The following BBS1 variants were observed in gnomAD, a reference collection of about 807,000 sequenced individuals.
BBS1 encodes the protein Bardet-Biedl syndrome 1.
In BBS1, 60 loss-of-function variants were observed where a neutral mutation model predicts 73.9. That is an observed-to-expected ratio of 0.81 (90% CI 0.66 to 1.01). The LOEUF is 1.01. Ranked by LOEUF, BBS1 falls within the 50% of genes least tolerant of loss-of-function variation. BBS1 has a pLI of 0.00. For synonymous variants in BBS1, 283 were observed against 317.4 expected (o/e 0.89, Z 1.15); for missense variants, 718 against 770.3 (o/e 0.93, Z 0.80).
At position 66,515,874 on chromosome 11, in the gene BBS1, G is replaced by T; in HGVS notation, c.532G>T (p.Glu178Ter). ...SIQSLRFLQL[E>*]LSEMEAFVNQ... ...CTGTGTGTCTAGGTTTCTGCAGCTG[G>T]AGCTAAGTGAAATGGAGGCATTTGT... The change falls in exon 7 of 17, where the codon GAG (glutamate) becomes TAG (stop). Residue 178 changes from glutamate (E) to a stop codon, truncating the protein, a stop_gained. Coordinates refer to ENST00000318312, the MANE Select transcript of BBS1 (RefSeq NM_024649.5). LOFTEE classifies it high-confidence loss of function. 2 of 1,614,148 alleles carry T rather than the reference G, an allele frequency of 1.2e-6. No homozygotes were observed. Among genetic ancestry groups the T allele is most frequent in the Non-Finnish European group, 1.7e-6 (2 of 1,180,028 alleles).
chr11:66,519,487 C>A, intron 7 of BBS1, 130 bp from the exon 8 acceptor site: 1 of 1,327,708 alleles, frequency 7.5e-7, no homozygotes, highest in Non-Finnish European at 1.1e-6. Flanking sequence ...GTACTTAAAT[C>A]TTCTGTCACA....
At chr11:66,531,059 TGGGAAA>T in intron 15 of BBS1, 31 bp downstream of exon 15, 1 of 1,613,268 alleles carries the variant, frequency 6.2e-7, no homozygotes, top group Non-Finnish European at 8.5e-7. Context: ...AGATATGGAG[TGGGAAA>T]GGCCAGGGCA....
chr11:66,529,946 C>T lies in BBS1; in HGVS notation c.1467C>T (p.His489=), dbSNP rs749008475. ...CAGCCCGAGAGCCACTCAAGCTGCA[C>T]GCCGTGGTGAGCATCTGGGTGAGGG... is the stretch of plus-strand genomic sequence containing the variant. The part of the protein sequence containing the change: ...STTAREPLKL[H]AVVQGLGPTF... The change falls in exon 14 of 17, where the codon CAC becomes CAT. Residue 489 remains histidine, a synonymous_variant. Transcript: ENST00000318312. 4.2e-5 allele frequency: 67 copies of T among 1,601,730 alleles called. No individual in the cohort carries two copies. The highest frequency in any genetic ancestry group is 1.6e-4 in the Middle Eastern group (1 of 6,078).
Position 66,530,880 on chromosome 11 carries a change from C to T in BBS1, c.1474-14C>T, listed in dbSNP as rs369972079. The T allele has an allele frequency of 5.3e-5, 85 of 1,614,090 alleles. No individual in the cohort carries two copies. The highest frequency in any genetic ancestry group is 6.9e-5 in the Non-Finnish European group (82 of 1,180,028). ...CCAGGTCCTAAGGGCTTTCTCCACCCACCCTCTCCATAGGTTCAGGGCCTT... is the reference window on the plus strand; with the variant it reads ...CCAGGTCCTAAGGGCTTTCTCCACCTACCCTCTCCATAGGTTCAGGGCCTT... On this transcript the variant is annotated splice_polypyrimidine_tract_variant and intron_variant, in intron 14 of 16. Coordinates refer to ENST00000318312, the MANE Select transcript of BBS1 (RefSeq NM_024649.5).
intron 14 of BBS1, among the ~76,000 whole-genome samples, chr11:66,530,414 C>T (rs1477125794): frequency 3.3e-5 from 5 of 152,056 alleles, no homozygotes; most frequent in African/African-American, 1.2e-4. Flanking sequence ...AAGGCTCAGA[C>T]GCAAATGAGC....
chr11:66,522,678 A>T (rs1451695745), intron 9 of BBS1, among the ~76,000 whole-genome samples: 1 of 152,156 alleles, frequency 6.6e-6, no homozygotes, highest in Non-Finnish European at 1.5e-5. Context: ...ATAAATATTT[A>T]TTGAGCACCT....
rs1393658942 is a variant in BBS1, at chr11:66,530,071, C to T, written c.1473+119C>T. ...ATTCCAAGCCAACTCAGCCCGTGCT[C>T]CCCATCACCTTCCCGCAGACCTGGG... On this transcript the variant is annotated intron_variant, in intron 14 of 16. Coordinates refer to ENST00000318312, the MANE Select transcript of BBS1 (RefSeq NM_024649.5). 3 of 1,408,110 alleles carry T rather than the reference C, an allele frequency of 2.1e-6. No homozygotes were observed. The African/African-American group carries it at 4.3e-5, about 20-fold the overall frequency. 87.2% of individuals were successfully genotyped at this position (1,408,110 alleles called of 1,614,324 possible).
At chr11:66,516,076 A>G in intron 7 of BBS1, 143 bp downstream of exon 7, 1 of 605,664 alleles carries the variant, frequency 1.7e-6, no homozygotes, top group African/African-American at 1.9e-5. Context: ...ATGTGTGTGT[A>G]GTCATAAAGC....
At chr11:66,518,582 C>T (rs1856107598) in intron 7 of BBS1, among the ~76,000 whole-genome samples, 1 of 151,932 alleles carries the variant, frequency 6.6e-6, no homozygotes, top group South Asian at 2.1e-4. Flanking sequence ...TCTCCTGCCT[C>T]AGCCTCCTGG....
chr11:66,528,576 A>T (rs1056732376), intron 13 of BBS1, among the ~76,000 whole-genome samples: 1 of 152,192 alleles, frequency 6.6e-6, no homozygotes, highest in Non-Finnish European at 1.5e-5. Context: ...GAACATGTGG[A>T]AAGTCAGAGT....
chr11:66,532,351 G>A lies in BBS1; in HGVS notation c.*314G>A, dbSNP rs1312674843. ...CAGAGCTCCGAAGCGGTCAAAGTGA[G>A]CTGAGCAGGACAGGCCCAGCCTTTC... On this transcript the variant is annotated 3_prime_UTR_variant, in exon 17 of 17. Transcript: ENST00000318312. 2 of 426,512 alleles carry A rather than the reference G, an allele frequency of 4.7e-6. No individual in the cohort carries two copies. Among genetic ancestry groups the A allele is most frequent in the Non-Finnish European group, 8.7e-6 (2 of 228,894 alleles). 26.4% of individuals were successfully genotyped at this position (426,512 alleles called of 1,614,324 possible). A position where few individuals can be genotyped will look rare whatever the true frequency, so the allele number is the denominator to read the frequency against.
chr11:66,526,849 T>G, intron 13 of BBS1, 42 bp downstream of exon 13: 1 of 1,614,148 alleles, frequency 6.2e-7, no homozygotes, highest in Non-Finnish European at 8.5e-7. Context: ...CCTCCTCCAC[T>G]GCTCCTACAC....
At chr11:66,527,901 G>T (rs952365832) in intron 13 of BBS1, among the ~76,000 whole-genome samples, 2 of 152,072 alleles carry the variant, frequency 1.3e-5, no homozygotes, top group African/African-American at 4.8e-5. Flanking sequence ...GGCAGGGCAG[G>T]GTAATATAGG....
chr11:66,529,345 G>C, intron 13 of BBS1: 3 of 1,528,532 alleles, frequency 2.0e-6, no homozygotes, highest in Non-Finnish European at 2.6e-6. Context: ...TGAGCCTGAG[G>C]TGTTGATGGG....
chr11:66,522,773 G>A (rs1463147266), intron 9 of BBS1: 4 of 252,944 alleles, frequency 1.6e-5, no homozygotes, highest in Admixed American at 5.2e-5. Flanking sequence ...GAAGACAGAT[G>A]TATTAAAGTG....
At chr11:66,510,820 T>C in intron 1 of BBS1, 114 bp downstream of exon 1, 1 of 1,498,744 alleles carries the variant, frequency 6.7e-7, no homozygotes, top group Non-Finnish European at 9.3e-7. Flanking sequence ...TCTTAAGAGG[T>C]CAGATAGGGA....
rs79633338 is a variant in BBS1, at chr11:66,512,020, G to A, written c.159+781G>A. ...CAAAAAAAAATATATATATATATAT[G>A]TGTATATATATGTATATATATGTAT... On this transcript the variant is annotated intron_variant, in intron 3 of 16. Coordinates refer to ENST00000318312, the MANE Select transcript of BBS1 (RefSeq NM_024649.5). Among the ~76,000 whole-genome samples the A allele has an allele frequency of 1.9e-3, 266 of 143,278 alleles. 2 individuals carry two copies. Among genetic ancestry groups the A allele is most frequent in the South Asian group, 8.8e-3 (41 of 4,676 alleles). The allele number at this position is 143,278 out of a possible 152,430, so 94.0% of individuals were successfully genotyped here. A position where few individuals can be genotyped will look rare whatever the true frequency, so the allele number is the denominator to read the frequency against.
intron 11 of BBS1, 150 bp downstream of exon 11, chr11:66,524,032 C>A: frequency 1.6e-6 from 2 of 1,214,082 alleles, no homozygotes; most frequent in Non-Finnish European, 2.3e-6. Context: ...GTAATCCCAG[C>A]ACTTTGGGAG....
At chr11:66,511,359 C>G (rs1395499677) in intron 3 of BBS1, 120 bp downstream of exon 3, 19 of 1,228,298 alleles carry the variant, frequency 1.5e-5, no homozygotes, top group Non-Finnish European at 1.6e-5. Flanking sequence ...TGTGAAAAAG[C>G]ACATTTAGCG....
Sources: allele counts gnomAD v4.1 joint callset (sites outside exome capture counted in the v4.1 genomes callset), GRCh38; gene constraint gnomAD v4.1.1; transcripts MANE v1.5; gene names NCBI Gene and HGNC (gene_info 2026-07-23, HGNC 2026-07-21).